The following FAM50B variants were observed in gnomAD, a reference collection of about 807,000 sequenced individuals.
FAM50B encodes protein FAM50B.
FAM50B carries 9 observed loss-of-function variants against 25.4 expected under a neutral mutation model. The observed-to-expected ratio is 0.35, with a 90% CI of 0.21 to 0.62. The LOEUF is 0.62. FAM50B is among the 20% of genes least tolerant of loss of function. The pLI is 0.73. For synonymous variants in FAM50B, 212 were observed against 204.3 expected, an observed-to-expected ratio of 1.04 and a Z score of -0.32; for missense variants, 372 against 477.9, an observed-to-expected ratio of 0.78 and a Z score of 2.07.
At chr6:3,846,891 A>G (rs1762130218), upstream of FAM50B, among the ~76,000 whole-genome samples, 2 of 152,248 alleles carry the variant, frequency 1.3e-5, no homozygotes, top group Non-Finnish European at 2.9e-5. Flanking sequence ...CATGAAATCA[A>G]CTTTAATCTC....
the FAM50B span, among the ~76,000 whole-genome samples, chr6:3,832,456 A>T: frequency 6.6e-6 from 1 of 152,072 alleles, no homozygotes; most frequent in African/African-American, 2.4e-5. Flanking sequence ...GTTCCATCCA[A>T]CCAGCTTCAC....
chr6:3,843,865 GGCTTT>G, the FAM50B span, among the ~76,000 whole-genome samples: 1 of 152,216 alleles, frequency 6.6e-6, no homozygotes, highest in African/African-American at 2.4e-5. Flanking sequence ...GAGGTGTTGT[GGCTTT>G]GCTTTGACAA....
chr6:3,834,537 A>T, the FAM50B span, among the ~76,000 whole-genome samples: 1 of 152,012 alleles, frequency 6.6e-6, no homozygotes, highest in African/African-American at 2.4e-5. Flanking sequence ...TTGATCATAC[A>T]ATTTGAAGAA....
At position 3,850,480 on chromosome 6, in the gene FAM50B, C is replaced by G. The variant is rs777316197; in HGVS notation, c.669C>G (p.Asp223Glu). The change falls in exon 2 of 2, where the codon GAC (aspartate) becomes GAG (glutamate). Residue 223 changes from aspartate (D) to glutamate (E), a missense_variant. Asp to Glu is a conservative substitution (Grantham distance 45, BLOSUM62 2). Coordinates refer to ENST00000648326, the MANE Select transcript of FAM50B (RefSeq NM_012135.3). The part of the protein sequence containing the change: ...LKKALQGLRK[D>E]FLELRSAGVE... ...AGGCGCTGCAGGGGCTGCGCAAGGA[C>G]TTCCTGGAGCTGCGCTCCGCCGGCG... is the stretch of plus-strand genomic sequence containing the variant. The G allele has an allele frequency of 6.2e-7, 1 of 1,613,610 alleles. No homozygotes were observed. Among genetic ancestry groups the G allele is most frequent in the South Asian group, 1.1e-5 (1 of 91,084 alleles).
the FAM50B span, among the ~76,000 whole-genome samples, chr6:3,839,829 T>C: frequency 6.6e-6 from 1 of 152,006 alleles, no homozygotes; most frequent in Non-Finnish European, 1.5e-5. Context: ...GGCCAAGAGT[T>C]TCTTCTGAAT....
At chr6:3,841,980 G>C in the FAM50B span, among the ~76,000 whole-genome samples, 2 of 152,218 alleles carry the variant, frequency 1.3e-5, no homozygotes, top group Admixed American at 1.3e-4. Context: ...GGCCATCCCT[G>C]AGCCCAGTCA....
At chr6:3,849,577 G>A in intron 1 of FAM50B, 91 bp downstream of exon 1, 1 of 645,212 alleles carries the variant, frequency 1.5e-6, no homozygotes, top group Non-Finnish European at 2.5e-6. Flanking sequence ...CGTTACGTGG[G>A]GCCGTTCGCA....
chr6:3,845,134 C>T (rs1400228987), upstream of FAM50B, among the ~76,000 whole-genome samples: 2 of 152,110 alleles, frequency 1.3e-5, no homozygotes, highest in Non-Finnish European at 2.9e-5. Flanking sequence ...TGGGTATTTT[C>T]GCTGAGAATT....
At chr6:3,848,588 C>G (rs1371748672), upstream of FAM50B, among the ~76,000 whole-genome samples, 1 of 151,796 alleles carries the variant, frequency 6.6e-6, no homozygotes, top group Non-Finnish European at 1.5e-5. Context: ...ATGTATTTCA[C>G]AACCAGCTTT....
At chr6:3,839,260 CTTT>C in the FAM50B span, among the ~76,000 whole-genome samples, 1 of 151,930 alleles carries the variant, frequency 6.6e-6, no homozygotes, top group Non-Finnish European at 1.5e-5. Flanking sequence ...CTGCCAGCCT[CTTT>C]TTAACAACCA....
chr6:3,849,669 G>A, intron 1 of FAM50B, 120 bp from the exon 2 acceptor site: 1 of 1,393,166 alleles, frequency 7.2e-7, no homozygotes, highest in Non-Finnish European at 9.4e-7. Flanking sequence ...CTAGCAGGTC[G>A]GCCCAGCCCC....
At chr6:3,839,367 A>G in the FAM50B span, among the ~76,000 whole-genome samples, 1 of 152,118 alleles carries the variant, frequency 6.6e-6, no homozygotes. Flanking sequence ...CCACAGCCCA[A>G]ACATCTCCCA....
At chr6:3,849,227 C>T (rs1032932985), upstream of FAM50B, among the ~76,000 whole-genome samples, 1 of 152,216 alleles carries the variant, frequency 6.6e-6, no homozygotes, top group African/African-American at 2.4e-5. Context: ...GGAGCACCGC[C>T]CCTACCAGGA....
At chr6:3,833,254 T>C in the FAM50B span, among the ~76,000 whole-genome samples, 1 of 152,214 alleles carries the variant, frequency 6.6e-6, no homozygotes, top group Non-Finnish European at 1.5e-5. Flanking sequence ...TTTAGGATAC[T>C]GGTAAGAGCT....
chr6:3,850,184 G>C lies in FAM50B; in HGVS notation c.373G>C (p.Asp125His), dbSNP rs764464170. 5 of 1,613,412 alleles carry C rather than the reference G, an allele frequency of 3.1e-6. No individual in the cohort carries two copies. Among genetic ancestry groups the C allele is most frequent in the Non-Finnish European group, 3.4e-6 (4 of 1,179,854 alleles). Residue 125 changes from aspartate to histidine, a missense_variant, in exon 2 of 2, where the codon GAC becomes CAC. Asp to His is a moderately conservative substitution (Grantham distance 81, BLOSUM62 -1). Around this residue, in one of 4 missense-constraint regions of FAM50B, gnomAD observed 224 missense variants for 232.2 expected, o/e 0.96. Coordinates refer to ENST00000648326, the MANE Select transcript of FAM50B (RefSeq NM_012135.3). ...GATCTCCTGCCTGTCCTTTGCACTA[G>C]ACGACCTCGATGACCAGGCCGACGC... Reference protein sequence around the residue: ...RKISCLSFALDDLDDQADAAE... With the variant: ...RKISCLSFALHDLDDQADAAE...
chr6:3,834,717 TAAA>T, the FAM50B span, among the ~76,000 whole-genome samples: 29 of 150,412 alleles, frequency 1.9e-4, no homozygotes, highest in Middle Eastern at 3.4e-3. Context: ...TGTTTAACAA[TAAA>T]AAACTGGTAA....
the FAM50B span, among the ~76,000 whole-genome samples, chr6:3,838,373 A>G: frequency 1.3e-5 from 2 of 152,106 alleles, no homozygotes; most frequent in African/African-American, 4.8e-5. Context: ...TTAAGGAATA[A>G]ACTGTGGTGT....
chr6:3,850,094 G>A lies in FAM50B; in HGVS notation c.283G>A (p.Glu95Lys), dbSNP rs1366779915. The change falls in exon 2 of 2, where the codon GAG (glutamate) becomes AAG (lysine). Residue 95 changes from glutamate to lysine, a missense_variant. By Grantham distance (56) the Glu-to-Lys change is moderately conservative. This residue lies in a region of FAM50B where 224 missense variants were observed against 232.2 expected (regional missense o/e 0.96). Coordinates refer to ENST00000648326, the MANE Select transcript of FAM50B (RefSeq NM_012135.3). Reference protein sequence around the residue: ...ERQLAKRQHLEEQRLQQERQR... With the variant: ...ERQLAKRQHLKEQRLQQERQR... ...GCAGCTGGCCAAGCGCCAGCACCTG[G>A]AGGAGCAGCGGCTGCAGCAGGAGCG... The A allele has an allele frequency of 2.5e-6, 4 of 1,610,298 alleles. No homozygotes were observed. The South Asian group carries it at 4.4e-5, about 18-fold the overall frequency.
chr6:3,847,704 T>C (rs1467517489), upstream of FAM50B, among the ~76,000 whole-genome samples: 2 of 152,264 alleles, frequency 1.3e-5, no homozygotes, highest in African/African-American at 2.4e-5. Context: ...CTTAGCTAAC[T>C]GTTTGGCAAA....
Sources: gnomAD v4.1 joint callset for allele counts (sites outside exome capture counted in the v4.1 genomes callset) on GRCh38, gnomAD v4.1.1 for gene constraint, gnomAD v4.1.1 regional missense constraint, MANE v1.5 for transcripts, NCBI Gene and HGNC (gene_info 2026-07-23, HGNC 2026-07-21) for gene names.